The following LRIG1 variants were observed in gnomAD, a reference collection of about 807,000 sequenced individuals.
LRIG1 encodes the protein leucine-rich repeats and immunoglobulin-like domains protein 1.
A neutral mutation model predicts 99.2 loss-of-function variants in LRIG1; 48 were observed. The observed-to-expected ratio is 0.48, with a 90% confidence interval of 0.38 to 0.62. The LOEUF is 0.62. LRIG1 is among the 20% of genes least tolerant of loss of function. The probability of loss-of-function intolerance (pLI) is 0.00; values close to 1 mark genes in which losing one functional copy is unlikely to be tolerated. For missense variants in LRIG1, 1,646 were observed against 1,434.4 expected (o/e 1.15, Z -2.38); for synonymous variants, 772 against 596.1 (o/e 1.29, Z -4.30).
At chr3:66,423,127 A>G (rs1390582159) in intron 3 of LRIG1, among the ~76,000 whole-genome samples, 1 of 152,204 alleles carries the variant, frequency 6.6e-6, no homozygotes, top group Non-Finnish European at 1.5e-5. Flanking sequence ...AAACCATATC[A>G]AATAGGTATG....
chr3:66,479,409 C>G (rs1336610077), intron 1 of LRIG1, among the ~76,000 whole-genome samples: 1 of 152,166 alleles, frequency 6.6e-6, no homozygotes, highest in Non-Finnish European at 1.5e-5. Flanking sequence ...TTCTTTTTCC[C>G]TTGAGATTCC....
Position 66,379,924 on chromosome 3 carries a change from T to TA in LRIG1, c.*338dup, listed in dbSNP as rs1700931119. The TA allele has an allele frequency of 5.6e-6, 1 of 177,584 alleles. No homozygotes were observed. Among genetic ancestry groups the TA allele is most frequent in the African/African-American group, 2.4e-5 (1 of 41,822 alleles). 11.0% of individuals were successfully genotyped at this position (177,584 alleles called of 1,614,324 possible). ...ACTATTTCCCCACCCCCTCCAAAAT[T>TA]AAACAGCAACCTGATACGAAAAATA... On this transcript the variant is annotated 3_prime_UTR_variant, in exon 19 of 19. Coordinates refer to ENST00000273261, the MANE Select transcript of LRIG1 (RefSeq NM_015541.3).
At chr3:66,416,644 T>C (rs919592842) in intron 4 of LRIG1, among the ~76,000 whole-genome samples, 6 of 152,144 alleles carry the variant, frequency 3.9e-5, no homozygotes, top group African/African-American at 1.2e-4. Flanking sequence ...ATAGAGTAAC[T>C]GCCCTCCCCC....
intron 5 of LRIG1, 137 bp from the exon 6 acceptor site, chr3:66,413,151 T>A: frequency 1.1e-6 from 1 of 941,984 alleles, no homozygotes; most frequent in Non-Finnish European, 1.6e-6. Flanking sequence ...CCAGGATGTG[T>A]AGGGGAGCCC....
Position 66,385,969 on chromosome 3 carries a change from G to T in LRIG1, c.1789+12C>A. On this transcript the variant is annotated intron_variant, in intron 13 of 18. Coordinates refer to ENST00000273261, the MANE Select transcript of LRIG1 (RefSeq NM_015541.3). Reference sequence around the variant, plus strand: ...GGATTCTGGTACTATAACAAAGATGGTGTTTCCATACCATTCACGGTGAGC... The same window carrying T: ...GGATTCTGGTACTATAACAAAGATGTTGTTTCCATACCATTCACGGTGAGC... 1.2e-6 allele frequency: 2 copies of T among 1,608,528 alleles called. No homozygotes were observed. Among genetic ancestry groups the T allele is most frequent in the Non-Finnish European group, 1.7e-6 (2 of 1,176,040 alleles).
chr3:66,408,474 G>C (rs1181152657), intron 7 of LRIG1, among the ~76,000 whole-genome samples: 2 of 152,194 alleles, frequency 1.3e-5, no homozygotes, highest in African/African-American at 4.8e-5. Context: ...GCGCACTTCT[G>C]TGATCTTTGC....
intron 4 of LRIG1, 101 bp from the exon 5 acceptor site, chr3:66,415,164 T>A: frequency 8.1e-7 from 1 of 1,231,246 alleles, no homozygotes; most frequent in Non-Finnish European, 1.1e-6. Context: ...GAAGATGAGT[T>A]AAGACACCAG....
At chr3:66,412,182 C>T (rs538490052) in intron 6 of LRIG1, among the ~76,000 whole-genome samples, 3 of 152,352 alleles carry the variant, frequency 2.0e-5, no homozygotes, top group East Asian at 3.9e-4. Context: ...TAAACATCTG[C>T]ACCCAGTGTC....
intron 2 of LRIG1, among the ~76,000 whole-genome samples, chr3:66,458,081 T>G (rs1241020743): frequency 6.6e-6 from 1 of 152,244 alleles, no homozygotes; most frequent in East Asian, 1.9e-4. Flanking sequence ...CTTTTCTAAG[T>G]ATCTGTTTCC....
At chr3:66,398,234 G>A (rs78591929) in intron 10 of LRIG1, 51 bp from the exon 11 acceptor site, 2 of 1,418,824 alleles carry the variant, frequency 1.4e-6, no homozygotes, top group Non-Finnish European at 1.0e-6. Context: ...GTACACCTGA[G>A]GGGTTTTCAG....
rs752075478 is a variant in LRIG1, at chr3:66,467,139, CACA to C, written c.219-4633_219-4631del. On this transcript the variant is annotated intron_variant, in intron 1 of 18. Transcript: ENST00000273261. ...CTGAAAAGCAAACTGTTTACCAGTG[CACA>C]ACAACAGTTTGCTCGCTGAGCACGT... 7.9e-5 allele frequency among the ~76,000 whole-genome samples: 12 copies of C among 152,288 alleles called. No individual in the cohort carries two copies. The East Asian group carries it at 1.5e-3, about 20-fold the overall frequency.
intron 16 of LRIG1, 116 bp from the exon 17 acceptor site, chr3:66,381,747 A>G: frequency 1.7e-6 from 2 of 1,156,404 alleles, no homozygotes; most frequent in East Asian, 2.4e-5. Context: ...AGTTCTTCAG[A>G]GCGGTGGGGC....
At chr3:66,485,184 A>T (rs1700944105) in intron 1 of LRIG1, among the ~76,000 whole-genome samples, 1 of 150,920 alleles carries the variant, frequency 6.6e-6, no homozygotes, top group Non-Finnish European at 1.5e-5. Flanking sequence ...AAAAATTATC[A>T]TACAAAATTA....
intron 1 of LRIG1, among the ~76,000 whole-genome samples, chr3:66,496,672 G>A (rs1213369849): frequency 6.6e-6 from 1 of 152,114 alleles, no homozygotes; most frequent in Non-Finnish European, 1.5e-5. Context: ...TTGTTTCAAA[G>A]TCTGTTGAGT....
intron 12 of LRIG1, among the ~76,000 whole-genome samples, chr3:66,390,704 T>C (rs747991426): frequency 2.0e-5 from 3 of 152,182 alleles, no homozygotes; most frequent in Non-Finnish European, 4.4e-5. Context: ...ACTAAGGTTA[T>C]AAAACTCTTA....
At chr3:66,431,639 T>G (rs940308230) in intron 3 of LRIG1, among the ~76,000 whole-genome samples, 7 of 152,176 alleles carry the variant, frequency 4.6e-5, no homozygotes, top group African/African-American at 1.7e-4. Flanking sequence ...CCAAGACCAA[T>G]GAGCTCTGAC....
chr3:66,450,455 T>C (rs1703868195), intron 3 of LRIG1, among the ~76,000 whole-genome samples: 1 of 152,208 alleles, frequency 6.6e-6, no homozygotes, highest in Non-Finnish European at 1.5e-5. Flanking sequence ...CTAGGTCATC[T>C]GTCCAGGGCA....
intron 1 of LRIG1, among the ~76,000 whole-genome samples, chr3:66,480,940 G>A (rs985208727): frequency 1.3e-5 from 2 of 152,128 alleles, no homozygotes; most frequent in African/African-American, 2.4e-5. Flanking sequence ...TGGGGCAGGC[G>A]GATTTGAGAA....
At chr3:66,399,300 T>A (rs1202801934) in intron 9 of LRIG1, among the ~76,000 whole-genome samples, 1 of 152,190 alleles carries the variant, frequency 6.6e-6, no homozygotes, top group Non-Finnish European at 1.5e-5. Flanking sequence ...GCATGTGCCG[T>A]CTGGCCTAAA....
Sources: gnomAD v4.1 joint callset for allele counts (sites outside exome capture counted in the v4.1 genomes callset) on GRCh38, gnomAD v4.1.1 for gene constraint, MANE v1.5 for transcripts, NCBI Gene and HGNC (gene_info 2026-07-23, HGNC 2026-07-21) for gene names.